Variants in PTPN2 observed in about 807,000 individuals in gnomAD.
The protein encoded by PTPN2 is protein tyrosine phosphatase non-receptor type 2.
Under a neutral mutation model 57.3 loss-of-function variants are expected in PTPN2, and 19 were observed. The observed-to-expected ratio is 0.33, with a 90% CI of 0.23 to 0.49. The LOEUF (loss-of-function observed/expected upper bound fraction) is 0.49. Ranked by LOEUF, PTPN2 falls within the 20% of genes least tolerant of loss-of-function variation. PTPN2 has a pLI of 0.99. For missense variants in PTPN2, 358 were observed against 501.1 expected, an observed-to-expected ratio of 0.71 and a Z score of 2.73; for synonymous variants, 153 against 164.9, an observed-to-expected ratio of 0.93 and a Z score of 0.55.
At chr18:12,823,374 T>A (rs1347273381) in intron 5 of PTPN2, among the ~76,000 whole-genome samples, 1 of 152,100 alleles carries the variant, frequency 6.6e-6, no homozygotes, top group Admixed American at 6.6e-5. Context: ...CTTATCCCCA[T>A]GTCAAAAGTT....
At chr18:12,863,053 A>C (rs906029739) in intron 1 of PTPN2, 1 of 152,212 alleles carries the variant, frequency 6.6e-6, no homozygotes, top group African/African-American at 2.4e-5. Context: ...GTATCTGTCT[A>C]AATGGCATTA....
rs559312180 is a variant in PTPN2 at position 12,835,729 on chromosome 18, C to T, written c.261+1062G>A. On this transcript the variant is annotated intron_variant, in intron 3 of 8. Transcript: ENST00000309660. ...ATTTCTCTAAGTAGACTTTCTTGGT[C>T]GGTCAGAGTATTTGAACACTGAGTA... Among the ~76,000 whole-genome samples, 91 of 152,208 alleles carry T rather than the reference C, an allele frequency of 6.0e-4. No homozygotes were observed. The South Asian group carries it at 0.016, about 26-fold the overall frequency.
At chr18:12,874,273 G>A (rs547685468) in intron 1 of PTPN2, among the ~76,000 whole-genome samples, 13,871 of 139,338 alleles carry the variant, frequency 0.1, 706 homozygotes, top group Non-Finnish European at 0.14. Flanking sequence ...CCCCCCGCCC[G>A]GCCAGCCGCC....
chr18:12,850,228 T>G (rs2145440751), intron 2 of PTPN2, among the ~76,000 whole-genome samples: 1 of 152,272 alleles, frequency 6.6e-6, no homozygotes, highest in African/African-American at 2.4e-5. Context: ...CAGTGGCTCA[T>G]GCCTGTAATC....
chr18:12,869,865 C>T (rs2044127132), intron 1 of PTPN2, among the ~76,000 whole-genome samples: 1 of 152,078 alleles, frequency 6.6e-6, no homozygotes, highest in Non-Finnish European at 1.5e-5. Flanking sequence ...GATGTTTGTG[C>T]ATATACTCTC....
At chr18:12,826,552 C>A (rs2042467463) in intron 4 of PTPN2, among the ~76,000 whole-genome samples, 1 of 152,156 alleles carries the variant, frequency 6.6e-6, no homozygotes, top group African/African-American at 2.4e-5. Flanking sequence ...AAGCACTGAT[C>A]CATTTTCTGT....
At chr18:12,881,124 A>G (rs1015103049) in intron 1 of PTPN2, among the ~76,000 whole-genome samples, 3 of 152,188 alleles carry the variant, frequency 2.0e-5, no homozygotes, top group Non-Finnish European at 4.4e-5. Flanking sequence ...TAGCAGTCAG[A>G]ACGATCTTGC....
chr18:12,884,010 G>A, intron 1 of PTPN2, 63 bp downstream of exon 1: 5 of 1,415,496 alleles, frequency 3.5e-6, no homozygotes, highest in Non-Finnish European at 4.8e-6. Context: ...GGGACCCTGC[G>A]GACAGGGCAC....
At chr18:12,848,811 G>A (rs1022345737) in intron 2 of PTPN2, among the ~76,000 whole-genome samples, 4 of 152,236 alleles carry the variant, frequency 2.6e-5, no homozygotes, top group Non-Finnish European at 5.9e-5. Context: ...GGGGTGGTTT[G>A]TTATATAGCA....
At chr18:12,786,664 G>A (rs2040852342) in intron 9 of PTPN2, 1 of 152,072 alleles carries the variant, frequency 6.6e-6, no homozygotes, top group Non-Finnish European at 1.5e-5. Context: ...CCAAATCTAA[G>A]TACTTGTCAG....
At chr18:12,861,071 C>T (rs1432189575) in intron 1 of PTPN2, among the ~76,000 whole-genome samples, 1 of 152,132 alleles carries the variant, frequency 6.6e-6, no homozygotes, top group African/African-American at 2.4e-5. Context: ...AACACCTGGG[C>T]TCAAGTCATC....
intron 2 of PTPN2, chr18:12,840,876 C>T (rs952991112): frequency 7.6e-6 from 12 of 1,572,614 alleles, no homozygotes; most frequent in African/African-American, 2.7e-5. Context: ...CACTTCTGTG[C>T]CGATGCAGTC....
intron 8 of PTPN2, among the ~76,000 whole-genome samples, chr18:12,800,566 C>T (rs958343084): frequency 6.6e-6 from 1 of 152,046 alleles, no homozygotes; most frequent in Admixed American, 6.6e-5. Flanking sequence ...AACTCTTCCA[C>T]TATAATATAT....
At chr18:12,799,390 C>T (rs2041319802) in intron 8 of PTPN2, among the ~76,000 whole-genome samples, 1 of 150,646 alleles carries the variant, frequency 6.6e-6, no homozygotes, top group African/African-American at 2.4e-5. Context: ...GCACTTCAGC[C>T]TGGGTGACAG....
At chr18:12,856,788 G>A (rs979502781) in intron 2 of PTPN2, among the ~76,000 whole-genome samples, 2 of 152,126 alleles carry the variant, frequency 1.3e-5, no homozygotes, top group Middle Eastern at 3.2e-3. Flanking sequence ...AGCTGGGCAT[G>A]GTGGCTCATG....
At chr18:12,830,470 A>T (rs1441636879) in intron 4 of PTPN2, among the ~76,000 whole-genome samples, 1 of 152,166 alleles carries the variant, frequency 6.6e-6, no homozygotes, top group Non-Finnish European at 1.5e-5. Context: ...AGATCAGGAA[A>T]AACCCCTGTA....
At chr18:12,794,981 TAC>T (rs1276176085) in intron 8 of PTPN2, among the ~76,000 whole-genome samples, 2 of 152,192 alleles carry the variant, frequency 1.3e-5, no homozygotes, top group African/African-American at 2.4e-5. Flanking sequence ...CCATTCCTGG[TAC>T]AGTTTTATAT....
chr18:12,879,680 C>G (rs1393358697), intron 1 of PTPN2, among the ~76,000 whole-genome samples: 3 of 152,050 alleles, frequency 2.0e-5, no homozygotes, highest in Non-Finnish European at 4.4e-5. Context: ...TCAAAAGGAG[C>G]AAAAAGGAAT....
At chr18:12,838,357 C>A (rs1240789822) in intron 2 of PTPN2, among the ~76,000 whole-genome samples, 2 of 152,180 alleles carry the variant, frequency 1.3e-5, no homozygotes, top group Non-Finnish European at 2.9e-5. Context: ...TGGCACCACC[C>A]CACACCCTTG....
Sources: allele counts gnomAD v4.1 joint callset (sites outside exome capture counted in the v4.1 genomes callset), GRCh38; gene constraint gnomAD v4.1.1; transcripts MANE v1.5; gene names NCBI Gene and HGNC (gene_info 2026-07-23, HGNC 2026-07-21).